GRM4: variants seen among roughly 807,000 people sequenced by gnomAD.
GRM4 encodes the protein glutamate metabotropic receptor 4.
In GRM4, 28 loss-of-function variants were observed where a neutral mutation model predicts 81.7. That is an observed-to-expected ratio of 0.34 (90% CI 0.25 to 0.47). The LOEUF (loss-of-function observed/expected upper bound fraction) is 0.47, where lower values mean the gene tolerates loss of function less well. GRM4 is among the 20% of genes least tolerant of loss of function. The probability of loss-of-function intolerance (pLI) is 1.00; values close to 1 mark genes in which losing one functional copy is unlikely to be tolerated. For missense variants in GRM4, 948 were observed against 1,290.0 expected (o/e 0.73, Z 4.06); for synonymous variants, 488 against 528.8 (o/e 0.92, Z 1.06).
chr6:34,148,561 G>A (rs1449969135), upstream of GRM4, among the ~76,000 whole-genome samples: 1 of 152,162 alleles, frequency 6.6e-6, no homozygotes, highest in Non-Finnish European at 1.5e-5. Context: ...CAAGGGACTT[G>A]GCCTGGACCA....
intron 4 of GRM4, chr6:34,060,056 G>C (rs1444923197): frequency 6.6e-6 from 1 of 152,552 alleles, no homozygotes; most frequent in Middle Eastern, 3.3e-3. Flanking sequence ...CCAGGGCTGG[G>C]GGGTGGCTGC....
intron 2 of GRM4, among the ~76,000 whole-genome samples, chr6:34,113,796 T>C (rs549871957): frequency 1.3e-5 from 2 of 152,220 alleles, no homozygotes; most frequent in South Asian, 4.1e-4. Context: ...AGGGAGCACT[T>C]TTTAAAACGT....
At chr6:34,066,101 C>A (rs538439151) in intron 3 of GRM4, among the ~76,000 whole-genome samples, 1 of 152,114 alleles carries the variant, frequency 6.6e-6, no homozygotes, top group African/African-American at 2.4e-5. Context: ...CTGATCAAGG[C>A]GTGTCCATTG....
At chr6:34,144,265 C>T (rs1770824333) in intron 1 of GRM4, among the ~76,000 whole-genome samples, 1 of 152,244 alleles carries the variant, frequency 6.6e-6, no homozygotes, top group Admixed American at 6.5e-5. Context: ...TCGAGGCCTC[C>T]ACCTCCCGGC....
At position 34,081,790 on chromosome 6, in the gene GRM4, GA is replaced by G. The variant is rs1375514263; in HGVS notation, c.736+10092del. Among the ~76,000 whole-genome samples, 3 of 152,346 alleles carry G rather than the reference GA, an allele frequency of 2.0e-5. No homozygotes were observed. The East Asian group carries it at 5.8e-4, about 29-fold the overall frequency. ...CACAGCGTCCCTCCAGGGATGCAGAGAAAAAGGCAGCTGGGGCTTATCTCAG... is the reference window on the plus strand; with the variant it reads ...CACAGCGTCCCTCCAGGGATGCAGAGAAAAGGCAGCTGGGGCTTATCTCAG... On this transcript the variant is annotated intron_variant, in intron 3 of 10. Coordinates refer to ENST00000538487, the MANE Select transcript of GRM4 (RefSeq NM_000841.4).
chr6:34,075,055 TGA>T (rs2127474235), intron 3 of GRM4, among the ~76,000 whole-genome samples: 1 of 152,344 alleles, frequency 6.6e-6, no homozygotes, highest in African/African-American at 2.4e-5. Flanking sequence ...CCAAGACTGC[TGA>T]GTGTGGGACA....
Position 34,119,166 on chromosome 6 carries a change from C to T in GRM4, c.519+13812G>A, listed in dbSNP as rs188116703. ...ATCCCAGCACTTTAGGAGGCCAAGG[C>T]GGGTGGATCATTTGAGGTCAGGAGT... On this transcript the variant is annotated intron_variant, in intron 2 of 10. Coordinates refer to ENST00000538487, the MANE Select transcript of GRM4 (RefSeq NM_000841.4). Among the ~76,000 whole-genome samples the T allele has an allele frequency of 1.4e-3, 218 of 152,252 alleles. 2 individuals carry two copies. Among genetic ancestry groups the T allele is most frequent in the East Asian group, 9.6e-3 (50 of 5,184 alleles).
rs1769546872 is a variant in GRM4, at chr6:34,115,279, C to T, written c.519+17699G>A. ...GTGTGTGTGTGCATGCGTGTGGCCA[C>T]CCCCGTGGGTGAGGACAGCAGGCAC... On this transcript the variant is annotated intron_variant, in intron 2 of 10. Transcript: ENST00000538487. This position sits in a 1 kb window ranked among gnomAD's most constrained non-coding sequence, Gnocchi z 4.1. Among the ~76,000 whole-genome samples the T allele has an allele frequency of 6.6e-6, 1 of 152,220 alleles. No homozygotes were observed. The highest frequency in any genetic ancestry group is 2.4e-5 in the African/African-American group (1 of 41,450).
At chr6:34,100,292 C>T (rs557764281) in intron 2 of GRM4, among the ~76,000 whole-genome samples, 1 of 152,366 alleles carries the variant, frequency 6.6e-6, no homozygotes, top group Non-Finnish European at 1.5e-5. Flanking sequence ...CTCCCCTCTG[C>T]CCAGTTCCAG....
rs1763932152 is a variant in GRM4, at chr6:34,022,599, G to A, written c.*222C>T. 1 of 584,082 alleles carries A rather than the reference G, an allele frequency of 1.7e-6. No homozygotes were observed. The highest frequency in any genetic ancestry group is 3.1e-6 in the Non-Finnish European group (1 of 325,908). The allele number at this position is 584,082 out of a possible 1,614,324, so 36.2% of individuals were successfully genotyped here. A position where few individuals can be genotyped will look rare whatever the true frequency, so the allele number is the denominator to read the frequency against. Reference sequence around the variant, plus strand: ...AATGGTCCAAGACGCAGGTTCTTGTGGTAGCCTGGCACCGCCCCGGCCCCT... The same window carrying A: ...AATGGTCCAAGACGCAGGTTCTTGTAGTAGCCTGGCACCGCCCCGGCCCCT... On this transcript the variant is annotated 3_prime_UTR_variant, in exon 11 of 11. Transcript: ENST00000538487. The surrounding 1 kb of genome is among the most constrained non-coding windows in gnomAD (Gnocchi z 5.6).
chr6:34,107,147 G>A (rs1436225171), intron 2 of GRM4, among the ~76,000 whole-genome samples: 1 of 152,196 alleles, frequency 6.6e-6, no homozygotes, highest in Non-Finnish European at 1.5e-5. Flanking sequence ...GGACCCCAGG[G>A]GATCTTTGCC....
chr6:34,119,413 G>GAGAT (rs59375070), intron 2 of GRM4, among the ~76,000 whole-genome samples: 1 of 151,606 alleles, frequency 6.6e-6, no homozygotes, highest in Admixed American at 6.6e-5. Context: ...AAGAGAGAGA[G>GAGAT]GGAGTGAGTG....
chr6:34,038,368 G>C (rs1764823751), intron 8 of GRM4, among the ~76,000 whole-genome samples: 1 of 152,206 alleles, frequency 6.6e-6, no homozygotes, highest in African/African-American at 2.4e-5. Flanking sequence ...TATTTCACTA[G>C]AACGTCAGCT....
rs372862706 is a variant in GRM4 at position 34,073,249 on chromosome 6, C to T, written c.737-11221G>A. Among the ~76,000 whole-genome samples, 123 of 139,080 alleles carry T rather than the reference C, an allele frequency of 8.8e-4. 6 individuals are homozygous for T. The highest frequency in any genetic ancestry group is 3.2e-3 in the African/African-American group (115 of 35,988). The allele number at this position is 139,080 out of a possible 152,430, so 91.2% of individuals were successfully genotyped here. ...TCACCAAATACATGCCACACACACA[C>T]ATCACCACATAGATACCACGTCACC... is the stretch of plus-strand genomic sequence containing the variant. On this transcript the variant is annotated intron_variant, in intron 3 of 10. Transcript: ENST00000538487.
At chr6:34,023,241 C>A (rs915942305) in intron 10 of GRM4, among the ~76,000 whole-genome samples, 1 of 152,224 alleles carries the variant, frequency 6.6e-6, no homozygotes, top group African/African-American at 2.4e-5. Context: ...CAGCACGGGG[C>A]CCCTGCCACC....
At chr6:34,030,411 A>G (rs1581586299) in intron 9 of GRM4, among the ~76,000 whole-genome samples, 1 of 152,154 alleles carries the variant, frequency 6.6e-6, no homozygotes, top group Non-Finnish European at 1.5e-5. Context: ...TTGGGCCCAC[A>G]TGGAGTTGGT....
At chr6:34,065,107 G>C (rs985210313) in intron 3 of GRM4, among the ~76,000 whole-genome samples, 2 of 152,096 alleles carry the variant, frequency 1.3e-5, no homozygotes, top group African/African-American at 2.4e-5. Flanking sequence ...TGTTGTTTAG[G>C]TGGGTTCATG....
Position 34,121,575 on chromosome 6 carries a change from C to T in GRM4, c.519+11403G>A, listed in dbSNP as rs1017360281. ...TCTGATAGTTTTCAATCCCTCTTCG[C>T]CCTGGAGGTGGCTGGAGACCAGGAG... On this transcript the variant is annotated intron_variant, in intron 2 of 10. Transcript: ENST00000538487. The surrounding 1 kb of genome is among the most constrained non-coding windows in gnomAD (Gnocchi z 4.6). 2.0e-5 allele frequency among the ~76,000 whole-genome samples: 3 copies of T among 152,248 alleles called. No individual in the cohort carries two copies. The highest frequency in any genetic ancestry group is 7.2e-5 in the African/African-American group (3 of 41,466).
chr6:34,047,800 T>G lies in GRM4; in HGVS notation c.1169-7052A>C, dbSNP rs2127453295. Among the ~76,000 whole-genome samples the G allele has an allele frequency of 6.6e-6, 1 of 152,270 alleles. No homozygotes were observed. Among genetic ancestry groups the G allele is most frequent in the Admixed American group, 6.5e-5 (1 of 15,294 alleles). ...TGAGGCCTGAGGAGGTGAAGCAGCT[T>G]ACCCAGTGGGAGTCGATTCTTGACT... On this transcript the variant is annotated intron_variant, in intron 6 of 10. Coordinates refer to ENST00000538487, the MANE Select transcript of GRM4 (RefSeq NM_000841.4). This position sits in a 1 kb window ranked among gnomAD's most constrained non-coding sequence, Gnocchi z 4.5.
Sources: allele counts gnomAD v4.1 joint callset (sites outside exome capture counted in the v4.1 genomes callset), GRCh38; gene constraint gnomAD v4.1.1; non-coding constraint Gnocchi (gnomAD v3.1); transcripts MANE v1.5; gene names NCBI Gene and HGNC (gene_info 2026-07-23, HGNC 2026-07-21).